Variants in SLC24A3 observed in about 807,000 individuals in gnomAD.
SLC24A3 encodes solute carrier family 24 member 3.
Under a neutral mutation model 75.8 loss-of-function variants are expected in SLC24A3, and 28 were observed. That is an observed-to-expected ratio of 0.37 (90% CI 0.27 to 0.51). The LOEUF (loss-of-function observed/expected upper bound fraction) is 0.51, where lower values mean the gene tolerates loss of function less well. SLC24A3 is among the 20% of genes least tolerant of loss of function. SLC24A3 has a pLI of 0.94. For missense variants in SLC24A3, 663 were observed against 847.8 expected (o/e 0.78, Z 2.71); for synonymous variants, 372 against 334.1 (o/e 1.11, Z -1.24).
intron 10 of SLC24A3, among the ~76,000 whole-genome samples, chr20:19,682,360 G>A (rs2032624818): frequency 1.3e-5 from 2 of 152,208 alleles, no homozygotes; most frequent in Admixed American, 1.3e-4. Flanking sequence ...GCCACACATG[G>A]CATGTCCCAG....
At chr20:19,372,710 T>C (rs1986013051) in intron 2 of SLC24A3, among the ~76,000 whole-genome samples, 1 of 152,114 alleles carries the variant, frequency 6.6e-6, no homozygotes, top group South Asian at 2.1e-4. Context: ...CTGGTCACCT[T>C]AGTTATGAAG....
chr20:19,651,176 T>G (rs2032197464), intron 6 of SLC24A3, among the ~76,000 whole-genome samples: 1 of 152,000 alleles, frequency 6.6e-6, no homozygotes, highest in African/African-American at 2.4e-5. Context: ...CCAGTAGCTT[T>G]TTCAGAAAGG....
intron 16 of SLC24A3, among the ~76,000 whole-genome samples, chr20:19,719,201 A>G (rs2033074961): frequency 6.6e-6 from 1 of 152,158 alleles, no homozygotes; most frequent in Non-Finnish European, 1.5e-5. Context: ...GTCAAGTGGA[A>G]TAAGTTAATA....
At chr20:19,465,190 T>G (rs758165822) in intron 2 of SLC24A3, among the ~76,000 whole-genome samples, 61 of 152,182 alleles carry the variant, frequency 4.0e-4, no homozygotes, top group Non-Finnish European at 6.3e-4. Context: ...CACGGAGCGA[T>G]AGCCAGCTCT....
intron 3 of SLC24A3, among the ~76,000 whole-genome samples, chr20:19,572,991 G>A (rs895462458): frequency 3.9e-5 from 6 of 152,190 alleles, no homozygotes; most frequent in Non-Finnish European, 7.3e-5. Context: ...TTCCAGCCGT[G>A]TTCCCTGGGA....
At chr20:19,302,943 C>G (rs941428392) in intron 2 of SLC24A3, among the ~76,000 whole-genome samples, 1 of 151,540 alleles carries the variant, frequency 6.6e-6, no homozygotes, top group African/African-American at 2.4e-5. Context: ...AGTTAAATGA[C>G]CCATTTAAGG....
chr20:19,652,915 G>A (rs1003697260), intron 6 of SLC24A3, among the ~76,000 whole-genome samples: 6 of 152,002 alleles, frequency 3.9e-5, no homozygotes, highest in African/African-American at 7.2e-5. Context: ...CACTTACTAC[G>A]CCAAGGGCAA....
chr20:19,590,366 A>G (rs2031358376), intron 6 of SLC24A3, among the ~76,000 whole-genome samples: 2 of 152,088 alleles, frequency 1.3e-5, no homozygotes, highest in African/African-American at 2.4e-5. Context: ...ATTGTTCCCC[A>G]GACAAAACCC....
At chr20:19,515,377 C>CTTTTTTTTTT in intron 2 of SLC24A3, 111 bp from the exon 3 acceptor site, 2 of 1,032,736 alleles carry the variant, frequency 1.9e-6, no homozygotes, top group Admixed American at 4.0e-5. Flanking sequence ...GATTCAGGAT[C>CTTTTTTTTTT]TTTTTTTCAT....
At chr20:19,347,145 A>C (rs2122318903) in intron 2 of SLC24A3, among the ~76,000 whole-genome samples, 1 of 152,340 alleles carries the variant, frequency 6.6e-6, no homozygotes, top group East Asian at 1.9e-4. Flanking sequence ...GATTCCAACT[A>C]TGTGACATTT....
chr20:19,589,098 G>T (rs1165740964), intron 6 of SLC24A3, among the ~76,000 whole-genome samples: 1 of 152,244 alleles, frequency 6.6e-6, no homozygotes, highest in Non-Finnish European at 1.5e-5. Flanking sequence ...CTGCATTTGG[G>T]CTTCCCCAAG....
At chr20:19,589,512 G>A (rs2122642416) in intron 6 of SLC24A3, among the ~76,000 whole-genome samples, 1 of 152,288 alleles carries the variant, frequency 6.6e-6, no homozygotes, top group South Asian at 2.1e-4. Context: ...AAATGGTAAA[G>A]GTGGGGAAAT....
At chr20:19,498,589 CCACT>C (rs1988333072) in intron 2 of SLC24A3, among the ~76,000 whole-genome samples, 1 of 152,204 alleles carries the variant, frequency 6.6e-6, no homozygotes, top group Non-Finnish European at 1.5e-5. Flanking sequence ...ACCTCACTTC[CCACT>C]CACTGTCTGA....
intron 6 of SLC24A3, among the ~76,000 whole-genome samples, chr20:19,622,895 A>G (rs912987116): frequency 6.6e-6 from 1 of 152,118 alleles, no homozygotes; most frequent in African/African-American, 2.4e-5. Context: ...ATCCCATGTC[A>G]AGAGAGGGAG....
chr20:19,225,478 T>C (rs754716021), intron 1 of SLC24A3, among the ~76,000 whole-genome samples: 10 of 152,192 alleles, frequency 6.6e-5, no homozygotes, highest in Non-Finnish European at 1.2e-4. Flanking sequence ...ATATGTTAAA[T>C]TGATATCATA....
At chr20:19,428,189 A>T (rs1443427778) in intron 2 of SLC24A3, among the ~76,000 whole-genome samples, 1 of 152,198 alleles carries the variant, frequency 6.6e-6, no homozygotes, top group Admixed American at 6.5e-5. Flanking sequence ...TGGGTATTGC[A>T]GTTGCTGTTT....
At chr20:19,222,243 C>A (rs959830168) in intron 1 of SLC24A3, among the ~76,000 whole-genome samples, 3 of 152,102 alleles carry the variant, frequency 2.0e-5, no homozygotes, top group Admixed American at 2.0e-4. Context: ...TTGAGGTTTT[C>A]TTTTCCCCAT....
At chr20:19,524,772 G>A (rs1158238400) in intron 3 of SLC24A3, among the ~76,000 whole-genome samples, 1 of 152,120 alleles carries the variant, frequency 6.6e-6, no homozygotes, top group Non-Finnish European at 1.5e-5. Context: ...GTTACATGTT[G>A]ACTATATCTA....
chr20:19,429,879 C>A (rs1568615669), intron 2 of SLC24A3, among the ~76,000 whole-genome samples: 1 of 152,124 alleles, frequency 6.6e-6, no homozygotes, highest in Non-Finnish European at 1.5e-5. Flanking sequence ...AGAATTTCCT[C>A]ACAATAAATC....
Sources: gnomAD v4.1 joint callset for allele counts (sites outside exome capture counted in the v4.1 genomes callset) on GRCh38, gnomAD v4.1.1 for gene constraint, MANE v1.5 for transcripts, NCBI Gene and HGNC (gene_info 2026-07-23, HGNC 2026-07-21) for gene names.